Variants in STK33 observed in about 807,000 individuals in gnomAD.
STK33 encodes serine/threonine-protein kinase 33.
Under a neutral mutation model 58.0 loss-of-function variants are expected in STK33, and 52 were observed. The observed-to-expected ratio is 0.90, with a 90% CI of 0.72 to 1.13. STK33 has a LOEUF of 1.13. Ranked by LOEUF, STK33 falls within the 50% of genes most tolerant of loss-of-function variation. The pLI is 0.00. For synonymous variants in STK33, 215 were observed against 200.1 expected (o/e 1.07, Z -0.63); for missense variants, 630 against 604.2 (o/e 1.04, Z -0.45).
intron 1 of STK33, among the ~76,000 whole-genome samples, chr11:8,499,361 C>T (rs1565201625): frequency 6.6e-6 from 1 of 152,168 alleles, no homozygotes; most frequent in African/African-American, 2.4e-5. Context: ...CAAATCAAAA[C>T]CACAATGAGA....
chr11:8,416,663 C>T lies in STK33; in HGVS notation c.1147-2971G>A, dbSNP rs1441425644. Among the ~76,000 whole-genome samples the T allele has an allele frequency of 4.6e-5, 7 of 152,170 alleles. No individual in the cohort carries two copies. In the East Asian group the frequency reaches 1.3e-3, roughly 29 times the overall value. The stretch of plus-strand genomic sequence containing the variant: ...CAAATGCCTGGTTCACATACACATA[C>T]ACCCAAGAGCTTGGTAGCTGAGATT... On this transcript the variant is annotated intron_variant, in intron 14 of 15. Transcript: ENST00000687296.
intron 15 of STK33, among the ~76,000 whole-genome samples, chr11:8,405,488 T>G (rs997381949): frequency 6.6e-6 from 1 of 151,690 alleles, no homozygotes; most frequent in Non-Finnish European, 1.5e-5. Context: ...TTCTGTCATA[T>G]ATATTTATTG....
intron 1 of STK33, among the ~76,000 whole-genome samples, chr11:8,483,842 T>G (rs568010346): frequency 6.6e-6 from 1 of 152,338 alleles, no homozygotes; most frequent in Non-Finnish European, 1.5e-5. Context: ...CAAAGGATGC[T>G]TCTCACTGTA....
intron 1 of STK33, among the ~76,000 whole-genome samples, chr11:8,563,635 T>G (rs2140980263): frequency 6.6e-6 from 1 of 152,276 alleles, no homozygotes; most frequent in Admixed American, 6.5e-5. Flanking sequence ...ACATGGTACA[T>G]GAGACTAACC....
At chr11:8,543,971 A>T (rs566456303) in intron 1 of STK33, among the ~76,000 whole-genome samples, 4 of 152,338 alleles carry the variant, frequency 2.6e-5, no homozygotes, top group African/African-American at 9.6e-5. Flanking sequence ...TTTAAATAGT[A>T]ATTCACAATT....
the STK33 span, among the ~76,000 whole-genome samples, chr11:8,367,602 T>G: frequency 6.6e-6 from 1 of 152,166 alleles, no homozygotes; most frequent in Non-Finnish European, 1.5e-5. Context: ...GGAAAGGGGT[T>G]CCAGACTAAA....
At chr11:8,550,247 A>G (rs995981161) in intron 1 of STK33, among the ~76,000 whole-genome samples, 16 of 152,170 alleles carry the variant, frequency 1.1e-4, no homozygotes, top group African/African-American at 3.9e-4. Context: ...GGAATATGTA[A>G]TTAATAGCAA....
intron 15 of STK33, among the ~76,000 whole-genome samples, chr11:8,402,313 T>C (rs967150289): frequency 6.6e-6 from 1 of 152,122 alleles, no homozygotes; most frequent in African/African-American, 2.4e-5. Context: ...ATGTCCTTTG[T>C]AGGGACATGG....
rs551733672 is a variant in STK33, at chr11:8,412,149, T to A, written c.1344+1346A>T. Among the ~76,000 whole-genome samples, 8 of 152,326 alleles carry A rather than the reference T, an allele frequency of 5.3e-5. No individual in the cohort carries two copies. In the East Asian group the frequency reaches 1.2e-3, roughly 22 times the overall value. On this transcript the variant is annotated intron_variant, in intron 15 of 15. Coordinates refer to ENST00000687296, the MANE Select transcript of STK33 (RefSeq NM_001352389.2). ...GTATGTGTAAGAATATGTGAGTATA[T>A]GTGTATACATGTATATGTGTATGTG...
chr11:8,349,016 G>A, the STK33 span, among the ~76,000 whole-genome samples: 1 of 152,200 alleles, frequency 6.6e-6, no homozygotes, highest in Non-Finnish European at 1.5e-5. Context: ...CCTCAGTCCA[G>A]GCTGGCTCCG....
At chr11:8,553,449 G>C (rs1011483581) in intron 1 of STK33, among the ~76,000 whole-genome samples, 15 of 151,562 alleles carry the variant, frequency 9.9e-5, no homozygotes, top group Non-Finnish European at 1.6e-4. Flanking sequence ...CTACAATGTT[G>C]CTAGGCAACA....
rs1229740298 is a variant in STK33 at position 8,447,636 on chromosome 11, T to C, written c.871+5186A>G. On this transcript the variant is annotated intron_variant, in intron 11 of 15. Transcript: ENST00000687296. ...AAATTAGGTATTGATGGGATGTATCTCAAAATAATAAGAGCTATCTATGAC... is the reference window on the plus strand; with the variant it reads ...AAATTAGGTATTGATGGGATGTATCCCAAAATAATAAGAGCTATCTATGAC... Among the ~76,000 whole-genome samples, 4 of 152,152 alleles carry C rather than the reference T, an allele frequency of 2.6e-5. No homozygotes were observed. In the East Asian group the frequency reaches 5.8e-4, roughly 22 times the overall value.
At chr11:8,469,928 G>A (rs1367388578) in intron 6 of STK33, among the ~76,000 whole-genome samples, 1 of 152,226 alleles carries the variant, frequency 6.6e-6, no homozygotes, top group East Asian at 1.9e-4. Flanking sequence ...GTAAGCAAAG[G>A]TGCTATCATT....
At chr11:8,593,566 C>A (rs78463099) in intron 1 of STK33, among the ~76,000 whole-genome samples, 4 of 152,112 alleles carry the variant, frequency 2.6e-5, no homozygotes, top group Admixed American at 2.0e-4. Flanking sequence ...AGAGCCAGTA[C>A]GGGGCTGCTT....
intron 11 of STK33, among the ~76,000 whole-genome samples, chr11:8,442,607 T>A (rs1944900897): frequency 6.6e-6 from 1 of 152,196 alleles, no homozygotes; most frequent in East Asian, 1.9e-4. Flanking sequence ...TAAGGAGGCA[T>A]TAAACTCAGG....
At chr11:8,521,767 C>G (rs191320965) in intron 1 of STK33, among the ~76,000 whole-genome samples, 1 of 152,044 alleles carries the variant, frequency 6.6e-6, no homozygotes, top group Non-Finnish European at 1.5e-5. Context: ...AGAACTTAAA[C>G]AAATTTACAA....
intron 1 of STK33, among the ~76,000 whole-genome samples, chr11:8,582,960 A>C (rs2030680871): frequency 2.0e-5 from 3 of 152,280 alleles, no homozygotes; most frequent in South Asian, 4.1e-4. Context: ...TTCATAGAAG[A>C]TCTGATGGAT....
chr11:8,489,272 GA>G (rs60919146), intron 1 of STK33, among the ~76,000 whole-genome samples: 12,149 of 126,278 alleles, frequency 0.096, 1,304 homozygotes, highest in African/African-American at 0.28. Flanking sequence ...AAAAAAAAAA[GA>G]AAAAAAAAAA....
chr11:8,400,163 C>CA (rs1309568847), intron 15 of STK33, among the ~76,000 whole-genome samples: 1 of 151,900 alleles, frequency 6.6e-6, no homozygotes, highest in Non-Finnish European at 1.5e-5. Flanking sequence ...AGAGACACAA[C>CA]AAAAAAAGAG....
Sources: allele counts gnomAD v4.1 joint callset (sites outside exome capture counted in the v4.1 genomes callset), GRCh38; gene constraint gnomAD v4.1.1; transcripts MANE v1.5; gene names NCBI Gene and HGNC (gene_info 2026-07-23, HGNC 2026-07-21).